CLASP2: variants seen among roughly 807,000 people sequenced by gnomAD.
CLASP2 encodes the protein CLIP-associating protein 2.
In CLASP2, 47 loss-of-function variants were observed where a neutral mutation model predicts 194.4. The observed-to-expected ratio is 0.24, with a 90% CI of 0.19 to 0.31. CLASP2 has a LOEUF of 0.31. CLASP2 is among the 10% of genes least tolerant of loss of function. The pLI is 1.00. For missense variants in CLASP2, 1,445 were observed against 1,823.6 expected (o/e 0.79, Z 3.78); for synonymous variants, 619 against 633.5 (o/e 0.98, Z 0.34).
chr3:33,717,964 C>A lies in CLASP2; in HGVS notation c.39G>T (p.Val13=). ...GCCGGCCGCCGACGTCCTTCTGCTGCACCTGGGCGCAGAAGTACTCCATGC... is the reference window on the plus strand; with the variant it reads ...GCCGGCCGCCGACGTCCTTCTGCTGAACCTGGGCGCAGAAGTACTCCATGC... ...PRSMEYFCAQ[V]QQKDVGGRLQ... Residue 13 remains valine, a synonymous_variant, in exon 1 of 39, where the codon GTG becomes GTT. Transcript: ENST00000682230. 1 of 1,542,474 alleles carries A rather than the reference C, an allele frequency of 6.5e-7. No homozygotes were observed.
intron 37 of CLASP2, chr3:33,503,032 C>T (rs1442236498): frequency 6.6e-6 from 1 of 152,178 alleles, no homozygotes; most frequent in Non-Finnish European, 1.5e-5. Flanking sequence ...ACAAATAACA[C>T]TGCAAAGAGT....
At chr3:33,546,701 C>T (rs1417545383) in intron 30 of CLASP2, among the ~76,000 whole-genome samples, 1 of 152,206 alleles carries the variant, frequency 6.6e-6, no homozygotes, top group Non-Finnish European at 1.5e-5. Flanking sequence ...TTCCTTTCAA[C>T]ATCAGCTCTA....
chr3:33,663,924 A>T (rs1183288450), intron 6 of CLASP2, among the ~76,000 whole-genome samples: 1 of 152,182 alleles, frequency 6.6e-6, no homozygotes, highest in African/African-American at 2.4e-5. Flanking sequence ...CAAACAATAA[A>T]ATATAAAATA....
At chr3:33,612,124 C>G in intron 12 of CLASP2, 53 bp from the exon 13 acceptor site, 1 of 1,118,028 alleles carries the variant, frequency 8.9e-7, no homozygotes, top group Non-Finnish European at 1.3e-6. Flanking sequence ...TCATGTGGTC[C>G]TTTCTTCTAT....
In CLASP2 at chr3:33,619,548, A is replaced by G. The variant is rs531609308; in HGVS notation, c.1317+55T>C. The G allele has an allele frequency of 3.5e-5, 51 of 1,457,336 alleles. No homozygotes were observed. In the African/African-American group the frequency reaches 7.1e-4, roughly 20 times the overall value. 90.3% of individuals were successfully genotyped at this position (1,457,336 alleles called of 1,614,324 possible). On this transcript the variant is annotated intron_variant, in intron 12 of 38. Coordinates refer to ENST00000682230, the MANE Select transcript of CLASP2 (RefSeq NM_001365631.1). ...AAAGGAGAGAAAAAGGGGGAGGAAG[A>G]AGAAACAAAAGTGGGGGGAGGAGGC... is the stretch of plus-strand genomic sequence containing the variant.
rs1257618678 is a variant in CLASP2, at chr3:33,579,532, AAGTGT to A, written c.2347+2284_2347+2288del. On this transcript the variant is annotated intron_variant, in intron 23 of 38. Transcript: ENST00000682230. Reference sequence around the variant, plus strand: ...AAGAAATCTGAGATCCTTCCCACTGAAGTGTAATTTAACTGTTTCTAGGGTAAGTG... The same window carrying A: ...AAGAAATCTGAGATCCTTCCCACTGAAATTTAACTGTTTCTAGGGTAAGTG... Among the ~76,000 whole-genome samples the A allele has an allele frequency of 2.0e-5, 3 of 152,292 alleles. No individual in the cohort carries two copies. In the South Asian group the frequency reaches 6.2e-4, roughly 32 times the overall value.
intron 1 of CLASP2, among the ~76,000 whole-genome samples, chr3:33,698,168 G>A (rs1390299067): frequency 3.9e-5 from 6 of 152,166 alleles, no homozygotes; most frequent in Non-Finnish European, 8.8e-5. Context: ...CCCTTGTCCC[G>A]TAAGAAACAA....
At chr3:33,606,228 A>G (rs1371547641) in intron 16 of CLASP2, among the ~76,000 whole-genome samples, 2 of 152,150 alleles carry the variant, frequency 1.3e-5, no homozygotes, top group Non-Finnish European at 2.9e-5. Flanking sequence ...CTAGTCACAT[A>G]GTGTTGTAGA....
intron 6 of CLASP2, among the ~76,000 whole-genome samples, chr3:33,677,737 A>G (rs1470980866): frequency 6.6e-6 from 1 of 151,038 alleles, no homozygotes; most frequent in Non-Finnish European, 1.5e-5. Flanking sequence ...AAAAATGTCT[A>G]ACACACGTGG....
At chr3:33,666,028 A>G (rs1487168296) in intron 6 of CLASP2, among the ~76,000 whole-genome samples, 1 of 152,224 alleles carries the variant, frequency 6.6e-6, no homozygotes, top group Non-Finnish European at 1.5e-5. Context: ...GATAGAGGCC[A>G]GTAAAGTATT....
Position 33,717,802 on chromosome 3 carries a change from G to C in CLASP2, c.195+6C>G, listed in dbSNP as rs1470449130. 1 of 1,553,226 alleles carries C rather than the reference G, an allele frequency of 6.4e-7. No individual in the cohort carries two copies. ...TGACCAGCCCAGCCTCGCCGCCGTC[G>C]CTTACCCGGTAGTTGCTCGAACCCA... On this transcript the variant is annotated splice_donor_region_variant and intron_variant, in intron 1 of 38. Transcript: ENST00000682230.
intron 29 of CLASP2, among the ~76,000 whole-genome samples, chr3:33,557,056 C>T (rs535381589): frequency 6.6e-6 from 1 of 151,894 alleles, no homozygotes; most frequent in African/African-American, 2.4e-5. Flanking sequence ...TCACTGCAAC[C>T]TCCGCCTCTC....
chr3:33,629,985 G>A (rs2078771364), intron 9 of CLASP2, among the ~76,000 whole-genome samples: 1 of 152,090 alleles, frequency 6.6e-6, no homozygotes, highest in South Asian at 2.1e-4. Flanking sequence ...AAATCGTGCA[G>A]AAGTAGTTGT....
Position 33,584,865 on chromosome 3 carries a change from A to C in CLASP2, c.2124T>G (p.Thr708=). 6.2e-7 allele frequency: 1 copy of C among 1,613,944 alleles called. No individual in the cohort carries two copies. Among genetic ancestry groups the C allele is most frequent in the South Asian group, 1.1e-5 (1 of 91,080 alleles). The stretch of plus-strand genomic sequence containing the variant: ...GGACTCTTTGAACACCAGAGCTCAC[A>C]GTGGACAGGGCTGTTGTGGTCAGAA... The part of the protein sequence containing the change: ...GRVLTTTALS[T]VSSGVQRVLV... The change falls in exon 22 of 39, where the codon ACT becomes ACG. Residue 708 remains threonine (T), a synonymous_variant. Transcript: ENST00000682230.
intron 1 of CLASP2, among the ~76,000 whole-genome samples, chr3:33,711,904 A>C (rs916349457): frequency 1.3e-5 from 2 of 152,196 alleles, no homozygotes; most frequent in African/African-American, 4.8e-5. Flanking sequence ...GATGTGATGA[A>C]AAAGGAACAC....
intron 3 of CLASP2, 45 bp from the exon 4 acceptor site, chr3:33,688,413 T>C: frequency 7.5e-7 from 1 of 1,333,758 alleles, no homozygotes; most frequent in Non-Finnish European, 1.0e-6. Flanking sequence ...AACTAAATTA[T>C]TCATGTTATA....
chr3:33,637,202 G>C (rs528949681), intron 8 of CLASP2, among the ~76,000 whole-genome samples: 6 of 152,280 alleles, frequency 3.9e-5, no homozygotes, highest in African/African-American at 1.2e-4. Context: ...CAAAGTCACA[G>C]AGATAAAAAC....
chr3:33,690,914 A>G (rs2091279776), intron 2 of CLASP2, among the ~76,000 whole-genome samples: 1 of 151,972 alleles, frequency 6.6e-6, no homozygotes, highest in African/African-American at 2.4e-5. Flanking sequence ...GTGGAAGACA[A>G]TTTTTCCACA....
intron 18 of CLASP2, among the ~76,000 whole-genome samples, chr3:33,598,678 C>A (rs965221771): frequency 6.6e-6 from 1 of 152,114 alleles, no homozygotes; most frequent in Admixed American, 6.5e-5. Context: ...TTTTCTTGAC[C>A]GTCAGGCGTA....
Sources: gnomAD v4.1 joint callset for allele counts (sites outside exome capture counted in the v4.1 genomes callset) on GRCh38, gnomAD v4.1.1 for gene constraint, MANE v1.5 for transcripts, NCBI Gene and HGNC (gene_info 2026-07-23, HGNC 2026-07-21) for gene names.